Variants in TSG101 observed in about 807,000 individuals in gnomAD.
TSG101 encodes the protein tumor susceptibility 101, also known as tumor susceptibility gene 101 protein.
Under a neutral mutation model 48.5 loss-of-function variants are expected in TSG101, and 19 were observed. That is an observed-to-expected ratio of 0.39 (90% CI 0.27 to 0.58). The LOEUF (loss-of-function observed/expected upper bound fraction) is 0.58, where lower values mean the gene tolerates loss of function less well. Among genes scored for constraint, TSG101 ranks in the 20% least tolerant of loss-of-function variants. The probability of loss-of-function intolerance (pLI) is 0.55; values close to 1 mark genes in which losing one functional copy is unlikely to be tolerated. For missense variants in TSG101, 365 were observed against 484.4 expected, an observed-to-expected ratio of 0.75 and a Z score of 2.31; for synonymous variants, 174 against 169.4, an observed-to-expected ratio of 1.03 and a Z score of -0.21.
At chr11:18,516,916 T>C (rs1018111582) in intron 2 of TSG101, among the ~76,000 whole-genome samples, 3 of 152,130 alleles carry the variant, frequency 2.0e-5, no homozygotes, top group Non-Finnish European at 2.9e-5. Flanking sequence ...CACTTTAGTC[T>C]GGGCAACAAG....
intron 7 of TSG101, among the ~76,000 whole-genome samples, chr11:18,496,497 TAAAATAA>T (rs1849785351): frequency 9.3e-6 from 1 of 107,308 alleles, no homozygotes; most frequent in African/African-American, 3.0e-5. Flanking sequence ...TAAAATAAAA[TAAAATAA>T]AATAAATCTA....
chr11:18,517,944 G>GT (rs1292845017), intron 2 of TSG101, among the ~76,000 whole-genome samples: 1 of 152,122 alleles, frequency 6.6e-6, no homozygotes, highest in Admixed American at 6.6e-5. Flanking sequence ...TACTCTAAAA[G>GT]TATTTGTTAA....
chr11:18,487,647 T>G (rs1183937232), intron 7 of TSG101, among the ~76,000 whole-genome samples: 1 of 152,148 alleles, frequency 6.6e-6, no homozygotes, highest in Non-Finnish European at 1.5e-5. Context: ...ATTACAGGCA[T>G]GAGCCACTGT....
intron 4 of TSG101, among the ~76,000 whole-genome samples, chr11:18,512,887 C>T (rs1850112039): frequency 6.6e-6 from 1 of 151,898 alleles, no homozygotes; most frequent in Admixed American, 6.6e-5. Flanking sequence ...GCCATCATGC[C>T]TGGCTAATTT....
chr11:18,515,995 T>C, intron 3 of TSG101, 104 bp downstream of exon 3: 1 of 966,242 alleles, frequency 1.0e-6, no homozygotes, highest in African/African-American at 1.6e-5. Flanking sequence ...TATATCAGCA[T>C]CAAAGCCCTG....
At chr11:18,525,180 A>G (rs543078945) in intron 1 of TSG101, among the ~76,000 whole-genome samples, 4 of 152,264 alleles carry the variant, frequency 2.6e-5, no homozygotes, top group East Asian at 1.9e-4. Context: ...AAGTGCTAGG[A>G]TTACAGGCGT....
intron 7 of TSG101, among the ~76,000 whole-genome samples, chr11:18,499,263 TTTTATATATA>T (rs1403976895): frequency 2.1e-4 from 25 of 120,976 alleles, no homozygotes; most frequent in African/African-American, 6.2e-4. Flanking sequence ...ATTATATATA[TTTTATATATA>T]TTTATATATA....
intron 6 of TSG101, among the ~76,000 whole-genome samples, chr11:18,503,807 C>T (rs1849926360): frequency 6.6e-6 from 1 of 152,140 alleles, no homozygotes; most frequent in African/African-American, 2.4e-5. Flanking sequence ...TTACTGGCCA[C>T]CTGGTTAGTT....
At position 18,526,791 on chromosome 11, in the gene TSG101, T is replaced by C. The variant is rs1393551177; in HGVS notation, c.26A>G (p.Lys9Arg). 10 of 1,603,232 alleles carry C rather than the reference T, an allele frequency of 6.2e-6. No homozygotes were observed. The highest frequency in any genetic ancestry group is 7.6e-6 in the Non-Finnish European group (9 of 1,179,734). ...CAGCCTCACCTTGGACACCATTTTC[T>C]TGAGCTGGCTCTCCGACACCGCCAT... MAVSESQLKKMVSKYKYRD... is the reference protein window; with the variant it reads MAVSESQLRKMVSKYKYRD... The change falls in exon 1 of 10, where the codon AAG becomes AGG. Residue 9 changes from lysine (K) to arginine (R), a missense_variant. Coordinates refer to ENST00000251968, the MANE Select transcript of TSG101 (RefSeq NM_006292.4).
chr11:18,488,031 T>G lies in TSG101; in HGVS notation c.641-3959A>C, dbSNP rs188039912. 6.5e-4 allele frequency among the ~76,000 whole-genome samples: 99 copies of G among 152,352 alleles called. No homozygotes were observed. The East Asian group carries it at 0.019, about 29-fold the overall frequency. Reference sequence around the variant, plus strand: ...CATCAGTAACAGGATTTTTCTTTTTTGCTATACTATTTTCACAACCACAGG... The same window carrying G: ...CATCAGTAACAGGATTTTTCTTTTTGGCTATACTATTTTCACAACCACAGG... On this transcript the variant is annotated intron_variant, in intron 7 of 9. Coordinates refer to ENST00000251968, the MANE Select transcript of TSG101 (RefSeq NM_006292.4).
intron 5 of TSG101, among the ~76,000 whole-genome samples, 173 bp downstream of exon 5, chr11:18,509,369 T>C (rs1850037972): frequency 6.6e-6 from 1 of 152,208 alleles, no homozygotes; most frequent in Non-Finnish European, 1.5e-5. Flanking sequence ...CAAATGCCAG[T>C]CTTTGGTGGG....
intron 7 of TSG101, chr11:18,490,173 C>A: frequency 4.1e-6 from 1 of 245,454 alleles, no homozygotes; most frequent in South Asian, 6.9e-5. Context: ...TTTTACCACA[C>A]AAGGGATATA....
At position 18,502,585 on chromosome 11, in the gene TSG101, C is replaced by T; in HGVS notation, c.549-8G>A. 6.2e-7 allele frequency: 1 copy of T among 1,603,736 alleles called. No homozygotes were observed. Among genetic ancestry groups the T allele is most frequent in the East Asian group, 2.2e-5 (1 of 44,712 alleles). ...GGACAGCCTGGGTAACCACTAAAGACAAGAACAAAAAACATTTAACATTTA... is the reference window on the plus strand; with the variant it reads ...GGACAGCCTGGGTAACCACTAAAGATAAGAACAAAAAACATTTAACATTTA... On this transcript the variant is annotated splice_polypyrimidine_tract_variant and splice_region_variant and intron_variant, in intron 6 of 9. Coordinates refer to ENST00000251968, the MANE Select transcript of TSG101 (RefSeq NM_006292.4).
At chr11:18,523,944 C>T (rs1051628457) in intron 1 of TSG101, among the ~76,000 whole-genome samples, 2 of 152,160 alleles carry the variant, frequency 1.3e-5, no homozygotes, top group Admixed American at 6.5e-5. Context: ...GTGCAAGCCA[C>T]GAAGTCTGGC....
chr11:18,521,975 G>C (rs891127972), intron 1 of TSG101, among the ~76,000 whole-genome samples: 1 of 152,130 alleles, frequency 6.6e-6, no homozygotes, highest in Non-Finnish European at 1.5e-5. Flanking sequence ...ATCATGCCCA[G>C]CTCCCTTTCT....
At chr11:18,484,140 C>A in intron 7 of TSG101, 68 bp from the exon 8 acceptor site, 1 of 1,545,758 alleles carries the variant, frequency 6.5e-7, no homozygotes, top group South Asian at 1.1e-5. Flanking sequence ...TCACAGGAAC[C>A]TTCAGAAAAG....
At chr11:18,502,421 GCT>G in intron 7 of TSG101, 63 bp downstream of exon 7, 1 of 1,321,112 alleles carries the variant, frequency 7.6e-7, no homozygotes. Context: ...AGTGAAATGT[GCT>G]TTTCACAACA....
chr11:18,501,999 A>G (rs888164164), intron 7 of TSG101, among the ~76,000 whole-genome samples: 1 of 152,246 alleles, frequency 6.6e-6, no homozygotes, highest in Admixed American at 6.5e-5. Context: ...GCATAGGTGA[A>G]GGCTGGAGTC....
chr11:18,504,694 C>A (rs1849941483), intron 6 of TSG101, among the ~76,000 whole-genome samples: 1 of 152,106 alleles, frequency 6.6e-6, no homozygotes, highest in African/African-American at 2.4e-5. Context: ...CTCTTCTAAG[C>A]CTACAGATAT....
Sources: gnomAD v4.1 joint callset for allele counts (sites outside exome capture counted in the v4.1 genomes callset) on GRCh38, gnomAD v4.1.1 for gene constraint, MANE v1.5 for transcripts, NCBI Gene and HGNC (gene_info 2026-07-23, HGNC 2026-07-21) for gene names.